The following PTK2 variants were observed in gnomAD, a reference collection of about 807,000 sequenced individuals.
The protein encoded by PTK2 is protein tyrosine kinase 2, also known as focal adhesion kinase 1.
In PTK2, 45 loss-of-function variants were observed where a neutral mutation model predicts 150.1. The observed-to-expected ratio is 0.30, with a 90% confidence interval of 0.24 to 0.38. The LOEUF is 0.38. Ranked by LOEUF, PTK2 falls within the 10% of genes least tolerant of loss-of-function variation. The pLI is 1.00. For missense variants in PTK2, 919 were observed against 1,307.3 expected (o/e 0.70, Z 4.58); for synonymous variants, 432 against 449.2 (o/e 0.96, Z 0.48).
intron 16 of PTK2, among the ~76,000 whole-genome samples, chr8:140,759,551 A>AAAAAAAAAAAAAAAAAAAAAAAG (rs2100068073): frequency 6.6e-6 from 1 of 150,456 alleles, no homozygotes; most frequent in African/African-American, 2.4e-5. Context: ...AAAAAAAAAA[A>AAAAAAAAAAAAAAAAAAAAAAAG]AAAGAAAGAA....
At chr8:140,925,615 T>C in intron 2 of PTK2, 46 bp downstream of exon 2, 1 of 972,906 alleles carries the variant, frequency 1.0e-6, no homozygotes, top group Non-Finnish European at 1.2e-6. Flanking sequence ...GTGACAGTAC[T>C]GGCATTATTC....
At chr8:140,696,274 A>G (rs1489782434) in intron 26 of PTK2, among the ~76,000 whole-genome samples, 2 of 152,234 alleles carry the variant, frequency 1.3e-5, no homozygotes, top group African/African-American at 4.8e-5. Context: ...ATTAGAAGAA[A>G]AATGAAGCAG....
At chr8:140,717,552 AAGTT>A in intron 23 of PTK2, 42 bp downstream of exon 26, 1 of 1,437,370 alleles carries the variant, frequency 7.0e-7, no homozygotes, top group Non-Finnish European at 9.8e-7. Context: ...TAAATCTTGA[AAGTT>A]AGTAAGAGTA....
At chr8:140,931,202 A>G (rs1188685727) in intron 1 of PTK2, among the ~76,000 whole-genome samples, 1 of 152,184 alleles carries the variant, frequency 6.6e-6, no homozygotes, top group African/African-American at 2.4e-5. Flanking sequence ...CATTCTCTCT[A>G]GATAGAATCA....
chr8:140,764,431 G>T, intron 14 of PTK2, 141 bp from the exon 17 acceptor site: 1 of 650,704 alleles, frequency 1.5e-6, no homozygotes, highest in Non-Finnish European at 2.7e-6. Flanking sequence ...CTCAAATTTT[G>T]CTCACACATG....
chr8:140,927,958 GAAAAAA>G lies in PTK2; in HGVS notation c.-121-2215_-121-2210del, dbSNP rs57931737. Among the ~76,000 whole-genome samples, 248 of 63,670 alleles carry G rather than the reference GAAAAAA, an allele frequency of 3.9e-3. 1 individual carries two copies. Among genetic ancestry groups the G allele is most frequent in the African/African-American group, 0.015 (236 of 15,330 alleles). 41.8% of individuals were successfully genotyped at this position (63,670 alleles called of 152,430 possible). ...TCAAAAAGAAAAAAAAAAAAAAAAA[GAAAAAA>G]AAAAAAAAAAAATATATATATATAT... On this transcript the variant is annotated intron_variant, in intron 1 of 31. Transcript: ENST00000522684.
chr8:140,973,596 G>T (rs539289821), intron 1 of PTK2, among the ~76,000 whole-genome samples: 1 of 151,996 alleles, frequency 6.6e-6, no homozygotes, highest in South Asian at 2.1e-4. Flanking sequence ...TCAGCTCTTT[G>T]CCAACCACAT....
chr8:140,849,289 A>G (rs765834517), intron 5 of PTK2, among the ~76,000 whole-genome samples: 1 of 152,208 alleles, frequency 6.6e-6, no homozygotes, highest in Non-Finnish European at 1.5e-5. Flanking sequence ...CCAGAGAGAA[A>G]GCAAACTCTA....
intron 1 of PTK2, among the ~76,000 whole-genome samples, chr8:140,937,373 A>T (rs2154608724): frequency 6.6e-6 from 1 of 152,244 alleles, no homozygotes; most frequent in South Asian, 2.1e-4. Flanking sequence ...TATGCCATGA[A>T]TTTGTCTATA....
intron 1 of PTK2, among the ~76,000 whole-genome samples, chr8:140,990,604 T>A (rs2100195346): frequency 6.6e-6 from 1 of 152,158 alleles, no homozygotes; most frequent in Non-Finnish European, 1.5e-5. Flanking sequence ...TTTCTATTAT[T>A]TTTGCTTTCA....
chr8:140,950,908 G>A (rs1161146619), intron 1 of PTK2, among the ~76,000 whole-genome samples: 4 of 152,098 alleles, frequency 2.6e-5, no homozygotes, highest in Non-Finnish European at 4.4e-5. Context: ...GGGAATCCTG[G>A]AACCAATCCC....
At chr8:140,940,919 G>A (rs1021355257) in intron 1 of PTK2, among the ~76,000 whole-genome samples, 1 of 152,018 alleles carries the variant, frequency 6.6e-6, no homozygotes, top group Non-Finnish European at 1.5e-5. Context: ...GCAGTGAGCT[G>A]AGACCACACC....
At chr8:140,855,450 C>T (rs920706871) in intron 5 of PTK2, among the ~76,000 whole-genome samples, 2 of 152,014 alleles carry the variant, frequency 1.3e-5, no homozygotes, top group Admixed American at 1.3e-4. Flanking sequence ...AAAAAATTAG[C>T]CAGGTATGGT....
At position 140,716,256 on chromosome 8, in the gene PTK2, G is replaced by A. The variant is rs770449494; in HGVS notation, c.2142+1342C>T. On this transcript the variant is annotated intron_variant, in intron 23 of 31. Coordinates refer to ENST00000522684, the Ensembl canonical transcript of PTK2. The stretch of plus-strand genomic sequence containing the variant: ...GAGAAGTTAATGATGAGATTCTCCC[G>A]ACTCTCAGTACTGGACTATTCTGCA... 4.6e-5 allele frequency among the ~76,000 whole-genome samples: 7 copies of A among 152,152 alleles called. No individual in the cohort carries two copies. In the East Asian group the frequency reaches 5.8e-4, roughly 13 times the overall value.
chr8:140,752,202 G>A (rs771519018), intron 17 of PTK2, 30 bp downstream of exon 20: 30 of 1,547,314 alleles, frequency 1.9e-5, no homozygotes, highest in African/African-American at 2.7e-5. Context: ...AAAGTCAAAT[G>A]GAGTTCCACA....
At chr8:140,744,859 A>C in intron 18 of PTK2, 92 bp from the exon 22 acceptor site, 1 of 618,612 alleles carries the variant, frequency 1.6e-6, no homozygotes, top group Non-Finnish European at 2.8e-6. Flanking sequence ...TTCAACAATA[A>C]TGCTGTTTTC....
chr8:140,881,418 G>T (rs1231952338), intron 3 of PTK2, among the ~76,000 whole-genome samples: 1 of 152,142 alleles, frequency 6.6e-6, no homozygotes, highest in African/African-American at 2.4e-5. Flanking sequence ...TCCCACAAAA[G>T]CTCCTGGTTC....
At chr8:140,966,098 T>C (rs2100185169) in intron 1 of PTK2, among the ~76,000 whole-genome samples, 1 of 152,226 alleles carries the variant, frequency 6.6e-6, no homozygotes, top group African/African-American at 2.4e-5. Context: ...TGTTGAATTA[T>C]TCTGACACTC....
chr8:140,711,470 C>G (rs189200134), intron 23 of PTK2, among the ~76,000 whole-genome samples: 1 of 152,184 alleles, frequency 6.6e-6, no homozygotes, highest in Non-Finnish European at 1.5e-5. Flanking sequence ...ACAATAAAAT[C>G]CCTGTCACTT....
Sources: allele counts gnomAD v4.1 joint callset (sites outside exome capture counted in the v4.1 genomes callset), GRCh38; gene constraint gnomAD v4.1.1; transcripts MANE v1.5; gene names NCBI Gene and HGNC (gene_info 2026-07-23, HGNC 2026-07-21).